Variants in DGKB observed in about 807,000 individuals in gnomAD.
The protein encoded by DGKB is 90 kDa diacylglycerol kinase.
DGKB carries 67 observed loss-of-function variants against 114.3 expected under a neutral mutation model. The ratio of observed to expected loss-of-function variants is 0.59; its 90% confidence interval spans 0.48 to 0.72. DGKB has a LOEUF of 0.72. DGKB is among the 30% of genes least tolerant of loss of function. The pLI, the probability that DGKB is intolerant of heterozygous loss-of-function variation, is 0.00. For missense variants in DGKB, 907 were observed against 975.2 expected (o/e 0.93, Z 0.93); for synonymous variants, 398 against 323.1 (o/e 1.23, Z -2.49).
At chr7:14,684,151 T>C (rs187660193) in intron 10 of DGKB, among the ~76,000 whole-genome samples, 146 of 152,254 alleles carry the variant, frequency 9.6e-4, no homozygotes, top group Non-Finnish European at 1.6e-3. Context: ...TTAAAATTCG[T>C]AAATAGTTCA....
intron 20 of DGKB, among the ~76,000 whole-genome samples, chr7:14,480,601 A>AAATAAATTT (rs1782844070): frequency 6.6e-6 from 1 of 152,148 alleles, no homozygotes; most frequent in African/African-American, 2.4e-5. Context: ...TGCCATTTTA[A>AAATAAATTT]AATAAATTTT....
chr7:14,917,556 C>T (rs1784303691), intron 1 of DGKB, among the ~76,000 whole-genome samples: 1 of 151,906 alleles, frequency 6.6e-6, no homozygotes, highest in African/African-American at 2.4e-5. Flanking sequence ...AAGACATGAT[C>T]TATAAAAACT....
intron 17 of DGKB, among the ~76,000 whole-genome samples, chr7:14,590,407 C>T (rs966392653): frequency 2.0e-5 from 3 of 152,070 alleles, no homozygotes; most frequent in Admixed American, 2.0e-4. Context: ...GAAAGCCTAA[C>T]CATCCAGTTG....
intron 21 of DGKB, among the ~76,000 whole-genome samples, chr7:14,431,334 G>A (rs1467150642): frequency 6.6e-6 from 1 of 152,036 alleles, no homozygotes; most frequent in Non-Finnish European, 1.5e-5. Flanking sequence ...ATAACTTTAA[G>A]CAGTAATATT....
At chr7:14,286,851 T>G (rs775267928) in intron 23 of DGKB, among the ~76,000 whole-genome samples, 59 of 152,238 alleles carry the variant, frequency 3.9e-4, no homozygotes, top group Non-Finnish European at 5.9e-4. Context: ...TAAGATGGTT[T>G]TAGAAAAATG....
chr7:14,523,305 A>G (rs1343156750), intron 20 of DGKB, among the ~76,000 whole-genome samples: 1 of 152,190 alleles, frequency 6.6e-6, no homozygotes, highest in African/African-American at 2.4e-5. Context: ...ACCTATGAAA[A>G]GAGACTACCT....
chr7:14,905,452 T>C (rs997913897), upstream of DGKB, among the ~76,000 whole-genome samples: 1 of 152,096 alleles, frequency 6.6e-6, no homozygotes, highest in African/African-American at 2.4e-5. Flanking sequence ...ACTGTGCCCA[T>C]TTCTCCAAGA....
At chr7:14,310,096 C>T (rs980615266) in intron 23 of DGKB, among the ~76,000 whole-genome samples, 1 of 152,128 alleles carries the variant, frequency 6.6e-6, no homozygotes, top group Non-Finnish European at 1.5e-5. Context: ...AAGAAGGGAA[C>T]AAAGGACTCA....
chr7:14,682,742 C>A lies in DGKB; in HGVS notation c.918+11G>T, dbSNP rs1821049728. 6.2e-7 allele frequency: 1 copy of A among 1,612,178 alleles called. No homozygotes were observed. Among genetic ancestry groups the A allele is most frequent in the Non-Finnish European group, 8.5e-7 (1 of 1,178,684 alleles). On this transcript the variant is annotated intron_variant, in intron 11 of 25. Coordinates refer to ENST00000402815, the MANE Select transcript of DGKB (RefSeq NM_001350709.2). ...GCCACCTTCAGAAAGCAAGCATGCACACAAACTTACATCAGTGTTCCTTTT... is the reference window on the plus strand; with the variant it reads ...GCCACCTTCAGAAAGCAAGCATGCAAACAAACTTACATCAGTGTTCCTTTT...
chr7:14,471,611 G>C (rs1328453833), intron 21 of DGKB, among the ~76,000 whole-genome samples: 1 of 151,376 alleles, frequency 6.6e-6, no homozygotes. Flanking sequence ...TGTTTGTTTT[G>C]CATTGCTGGT....
At chr7:14,873,658 C>T (rs1562781932) in intron 1 of DGKB, among the ~76,000 whole-genome samples, 1 of 151,740 alleles carries the variant, frequency 6.6e-6, no homozygotes, top group Non-Finnish European at 1.5e-5. Flanking sequence ...TATATATATA[C>T]ACATACATAT....
intron 9 of DGKB, among the ~76,000 whole-genome samples, chr7:14,693,797 T>G (rs1378214070): frequency 6.6e-6 from 1 of 151,920 alleles, no homozygotes; most frequent in Non-Finnish European, 1.5e-5. Context: ...GTCAGTAACT[T>G]AAAAACACTA....
intron 5 of DGKB, among the ~76,000 whole-genome samples, chr7:14,720,533 T>C (rs1252015606): frequency 6.8e-6 from 1 of 148,042 alleles, no homozygotes; most frequent in Non-Finnish European, 1.5e-5. Flanking sequence ...TTAGTAGAGA[T>C]GGTGTTTCAC....
At chr7:14,417,478 T>A (rs1473606983) in intron 21 of DGKB, among the ~76,000 whole-genome samples, 3 of 152,048 alleles carry the variant, frequency 2.0e-5, no homozygotes, top group African/African-American at 4.8e-5. Flanking sequence ...ATATTAAATT[T>A]GAGATATACT....
chr7:14,912,201 G>A (rs898709720), intron 1 of DGKB, among the ~76,000 whole-genome samples: 4 of 152,080 alleles, frequency 2.6e-5, no homozygotes, highest in African/African-American at 9.7e-5. Flanking sequence ...GCTGTTGGAG[G>A]TGATAAATTC....
At chr7:14,266,495 C>A (rs1369173185) in intron 23 of DGKB, among the ~76,000 whole-genome samples, 1 of 152,086 alleles carries the variant, frequency 6.6e-6, no homozygotes, top group Non-Finnish European at 1.5e-5. Context: ...AGAAGAGCAT[C>A]CATAAATTGC....
chr7:14,568,633 G>T lies in DGKB; in HGVS notation c.1770+5579C>A, dbSNP rs562745331. Among the ~76,000 whole-genome samples the T allele has an allele frequency of 3.3e-5, 5 of 152,208 alleles. No homozygotes were observed. In the East Asian group the frequency reaches 5.8e-4, roughly 18 times the overall value. ...TTTTTAACCTATCCTGACCTGTCACGTGAGGAAAAACTGATTTTTATTCAT... is the reference window on the plus strand; with the variant it reads ...TTTTTAACCTATCCTGACCTGTCACTTGAGGAAAAACTGATTTTTATTCAT... On this transcript the variant is annotated intron_variant, in intron 20 of 25. Transcript: ENST00000402815.
chr7:14,383,521 T>G (rs907330849), intron 21 of DGKB, among the ~76,000 whole-genome samples: 1 of 152,122 alleles, frequency 6.6e-6, no homozygotes, highest in African/African-American at 2.4e-5. Flanking sequence ...TCCAGTGTCA[T>G]CAGGGGCCCA....
intron 1 of DGKB, among the ~76,000 whole-genome samples, chr7:14,875,286 A>G (rs1397500179): frequency 1.3e-5 from 2 of 152,180 alleles, no homozygotes; most frequent in African/African-American, 2.4e-5. Context: ...TGTTTCTAAC[A>G]TCCTCGTTGA....
Sources: allele counts gnomAD v4.1 joint callset (sites outside exome capture counted in the v4.1 genomes callset), GRCh38; gene constraint gnomAD v4.1.1; transcripts MANE v1.5; gene names NCBI Gene and HGNC (gene_info 2026-07-23, HGNC 2026-07-21).